Variants in TNRC6A observed in about 807,000 individuals in gnomAD.
TNRC6A encodes the protein trinucleotide repeat-containing gene 6A protein.
TNRC6A carries 44 observed loss-of-function variants against 221.2 expected under a neutral mutation model. That is an observed-to-expected ratio of 0.20 (90% CI 0.16 to 0.26). The LOEUF is 0.26. TNRC6A is among the 10% of genes least tolerant of loss of function. TNRC6A has a pLI of 1.00. For synonymous variants in TNRC6A, 847 were observed against 838.5 expected, an observed-to-expected ratio of 1.01 and a Z score of -0.18; for missense variants, 2,199 against 2,404.4, an observed-to-expected ratio of 0.91 and a Z score of 1.79.
intron 1 of TNRC6A, among the ~76,000 whole-genome samples, chr16:24,615,474 G>T (rs1178235497): frequency 6.6e-6 from 1 of 152,158 alleles, no homozygotes; most frequent in Admixed American, 6.5e-5. Context: ...AGAGAAGTGA[G>T]ACTAGAACTC....
chr16:24,800,798 T>C (rs1277412944), intron 11 of TNRC6A, among the ~76,000 whole-genome samples: 1 of 152,210 alleles, frequency 6.6e-6, no homozygotes, highest in Non-Finnish European at 1.5e-5. Flanking sequence ...AGAGTGCTGC[T>C]GACCCACCAG....
chr16:24,682,813 A>G (rs2055558095), intron 2 of TNRC6A, among the ~76,000 whole-genome samples: 2 of 152,238 alleles, frequency 1.3e-5, no homozygotes, highest in South Asian at 2.1e-4. Context: ...GGGGCTCCCT[A>G]TTGGTCAAAA....
chr16:24,639,038 C>G (rs958795896), intron 1 of TNRC6A, among the ~76,000 whole-genome samples: 2 of 152,092 alleles, frequency 1.3e-5, no homozygotes, highest in Non-Finnish European at 2.9e-5. Flanking sequence ...GCAACTGATC[C>G]CAGAGTGCAG....
chr16:24,804,345 A>G (rs1291801825), intron 12 of TNRC6A, 26 bp downstream of exon 12: 8 of 1,605,590 alleles, frequency 5.0e-6, no homozygotes, highest in Non-Finnish European at 6.8e-6. Context: ...TTTACCTCTG[A>G]CTTGATAAAC....
chr16:24,719,420 C>T (rs1313191661), intron 2 of TNRC6A, among the ~76,000 whole-genome samples: 2 of 152,056 alleles, frequency 1.3e-5, no homozygotes, highest in East Asian at 3.9e-4. Context: ...AATCCCAACA[C>T]TTTGGGAGGT....
At chr16:24,664,477 TATAA>T (rs1377248333) in intron 2 of TNRC6A, among the ~76,000 whole-genome samples, 1 of 141,816 alleles carries the variant, frequency 7.1e-6, no homozygotes, top group African/African-American at 2.6e-5. Flanking sequence ...ATATAATAAA[TATAA>T]ATATAAATAT....
intron 1 of TNRC6A, among the ~76,000 whole-genome samples, chr16:24,631,640 C>T (rs866344299): frequency 9.2e-5 from 14 of 152,030 alleles, no homozygotes; most frequent in Non-Finnish European, 1.0e-4. Flanking sequence ...GGCGTGGTGG[C>T]GCACGCCTGT....
rs1352393438 is a variant in TNRC6A at position 24,818,712 on chromosome 16, C to G, written c.5080+12C>G. The G allele has an allele frequency of 6.2e-7, 1 of 1,606,014 alleles. No homozygotes were observed. The highest frequency in any genetic ancestry group is 2.2e-5 in the East Asian group (1 of 44,824). ...ACAAAGCACTTCAGGTGGGCCTCGC[C>G]TTCGCTCAGGAAGGGAGGGTTGGTC... On this transcript the variant is annotated intron_variant, in intron 21 of 24. Coordinates refer to ENST00000395799, the MANE Select transcript of TNRC6A (RefSeq NM_014494.4).
intron 2 of TNRC6A, among the ~76,000 whole-genome samples, chr16:24,665,340 G>T (rs1201082147): frequency 2.0e-5 from 3 of 152,084 alleles, no homozygotes; most frequent in Non-Finnish European, 4.4e-5. Context: ...CTCCTAAAGC[G>T]CTGGGATTAC....
chr16:24,791,475 G>C lies in TNRC6A; in HGVS notation c.2833G>C (p.Asp945His). The C allele has an allele frequency of 4.6e-6, 7 of 1,532,596 alleles. No homozygotes were observed. Among genetic ancestry groups the C allele is most frequent in the Non-Finnish European group, 6.1e-6 (7 of 1,143,658 alleles). 94.9% of individuals were successfully genotyped at this position (1,532,596 alleles called of 1,614,324 possible). Reference sequence around the variant, plus strand: ...TTCGTCAAAGCCAGTCAGCTCTCCAGACTGGAACAAGCAACAAGACATTGT... The same window carrying C: ...TTCGTCAAAGCCAGTCAGCTCTCCACACTGGAACAAGCAACAAGACATTGT... ...GDSSKPVSSP[D>H]WNKQQDIVGS... The change falls in exon 6 of 25, where the codon GAC becomes CAC. Residue 945 changes from aspartate (D) to histidine (H), a missense_variant. Coordinates refer to ENST00000395799, the MANE Select transcript of TNRC6A (RefSeq NM_014494.4).
At position 24,807,028 on chromosome 16, in the gene TNRC6A, CAG is replaced by C. The variant is rs756484151; in HGVS notation, c.4540+247_4540+248del. ...CTTTTCTTTTTTTTTTTTTTTAGGA[CAG>C]AGTCTTGCTCTGTCACCCAGGGTGG... On this transcript the variant is annotated intron_variant, in intron 17 of 24. Coordinates refer to ENST00000395799, the MANE Select transcript of TNRC6A (RefSeq NM_014494.4). Among the ~76,000 whole-genome samples the C allele has an allele frequency of 1.1e-3, 160 of 148,130 alleles. 1 individual carries two copies. Among genetic ancestry groups the C allele is most frequent in the Non-Finnish European group, 1.1e-3 (73 of 67,172 alleles).
At chr16:24,753,578 A>C (rs1337452991) in intron 3 of TNRC6A, among the ~76,000 whole-genome samples, 2 of 152,200 alleles carry the variant, frequency 1.3e-5, no homozygotes, top group Non-Finnish European at 2.9e-5. Context: ...TGAAAAGAAA[A>C]GAAAACCCCC....
At position 24,790,642 on chromosome 16, in the gene TNRC6A, G is replaced by A. The variant is rs772872494; in HGVS notation, c.2000G>A (p.Gly667Glu). The A allele has an allele frequency of 1.2e-5, 20 of 1,614,104 alleles. No homozygotes were observed. Among genetic ancestry groups the A allele is most frequent in the Non-Finnish European group, 1.4e-5 (17 of 1,180,030 alleles). Reference sequence around the variant, plus strand: ...CAAAGCAGTGTGTGGGCCAAAACAGGAGGTACAGTGGAGAGCGATGGTAGT... The same window carrying A: ...CAAAGCAGTGTGTGGGCCAAAACAGAAGGTACAGTGGAGAGCGATGGTAGT... ...NEQSSVWAKT[G>E]GTVESDGSTE... Residue 667 changes from glycine to glutamate, a missense_variant, in exon 6 of 25, where the codon GGA becomes GAA. Gly to Glu is a moderately conservative substitution (Grantham distance 98). Coordinates refer to ENST00000395799, the MANE Select transcript of TNRC6A (RefSeq NM_014494.4).
At chr16:24,656,676 C>A (rs2054920518) in intron 2 of TNRC6A, among the ~76,000 whole-genome samples, 1 of 152,004 alleles carries the variant, frequency 6.6e-6, no homozygotes, top group East Asian at 1.9e-4. Context: ...ATATTTAGAA[C>A]TTTTAAAAAT....
chr16:24,699,215 T>C (rs1198751368), intron 2 of TNRC6A, among the ~76,000 whole-genome samples: 1 of 152,160 alleles, frequency 6.6e-6, no homozygotes, highest in African/African-American at 2.4e-5. Flanking sequence ...GAACTGGGGA[T>C]ACACTGATGA....
intron 3 of TNRC6A, among the ~76,000 whole-genome samples, chr16:24,753,103 G>A (rs2057173060): frequency 6.6e-6 from 1 of 152,128 alleles, no homozygotes; most frequent in South Asian, 2.1e-4. Context: ...AGTATAAGTG[G>A]TCACTTATGT....
chr16:24,765,789 A>G (rs2057460046), intron 4 of TNRC6A, among the ~76,000 whole-genome samples: 1 of 152,224 alleles, frequency 6.6e-6, no homozygotes, highest in African/African-American at 2.4e-5. Context: ...TTTTAGGTAG[A>G]TCATGTAACA....
In TNRC6A at chr16:24,790,659, G is replaced by A. The variant is rs1297794246; in HGVS notation, c.2017G>A (p.Asp673Asn). Residue 673 changes from aspartate to asparagine, a missense_variant, in exon 6 of 25, where the codon GAT (aspartate) becomes AAT (asparagine). Around this residue, in one of 8 missense-constraint regions of TNRC6A, gnomAD observed 1,405 missense variants for 1,400.2 expected, o/e 1.00. Coordinates refer to ENST00000395799, the MANE Select transcript of TNRC6A (RefSeq NM_014494.4). Reference protein sequence around the residue: ...WAKTGGTVESDGSTESTGRLE... With the variant: ...WAKTGGTVESNGSTESTGRLE... Reference sequence around the variant, plus strand: ...CAAAACAGGAGGTACAGTGGAGAGCGATGGTAGTACAGAAAGCACTGGACG... The same window carrying A: ...CAAAACAGGAGGTACAGTGGAGAGCAATGGTAGTACAGAAAGCACTGGACG... 2.5e-6 allele frequency: 4 copies of A among 1,614,066 alleles called. No homozygotes were observed. Among genetic ancestry groups the A allele is most frequent in the Admixed American group, 3.3e-5 (2 of 59,994 alleles).
rs539869799 is a variant in TNRC6A, at chr16:24,716,708, C to A, written n.403-34018C>A. On this transcript the variant is annotated intron_variant and non_coding_transcript_variant, in intron 2 of 2. Coordinates refer to the TNRC6A transcript ENST00000566108. ...GGCATGGTGGCTCGCACCTGTAATC[C>A]TAGCACTTTGGGAGGCTGAGGCGGG... 2.6e-5 allele frequency among the ~76,000 whole-genome samples: 4 copies of A among 152,134 alleles called. No individual in the cohort carries two copies. In the East Asian group the frequency reaches 7.7e-4, roughly 29 times the overall value.
Sources: allele counts gnomAD v4.1 joint callset (sites outside exome capture counted in the v4.1 genomes callset), GRCh38; gene constraint gnomAD v4.1.1; regional missense constraint gnomAD v4.1.1; transcripts MANE v1.5; gene names NCBI Gene and HGNC (gene_info 2026-07-23, HGNC 2026-07-21).